The following CEACAM7 variants were observed in gnomAD, a reference collection of about 807,000 sequenced individuals.
The protein encoded by CEACAM7 is cell adhesion molecule CEACAM7.
Under a neutral mutation model 25.7 loss-of-function variants are expected in CEACAM7, and 24 were observed. The ratio of observed to expected loss-of-function variants is 0.93; its 90% CI spans 0.68 to 1.31. The LOEUF is 1.31. Ranked by LOEUF, CEACAM7 falls within the 40% of genes most tolerant of loss-of-function variation. The probability of loss-of-function intolerance (pLI) is 0.00; values close to 1 mark genes in which losing one functional copy is unlikely to be tolerated. For synonymous variants in CEACAM7, 144 were observed against 129.4 expected (o/e 1.11, Z -0.77); for missense variants, 324 against 330.1 (o/e 0.98, Z 0.14).
At position 41,687,218 on chromosome 19, in the gene CEACAM7, G is replaced by A. The variant is rs199608746; in HGVS notation, c.68C>T (p.Ser23Leu). 60 of 1,592,714 alleles carry A rather than the reference G, an allele frequency of 3.8e-5. No homozygotes were observed. In the East Asian group the frequency reaches 8.5e-4, roughly 23 times the overall value. ...IPWQGLLLTASLLTFWNLPNS... is the reference protein window; with the variant it reads ...IPWQGLLLTALLLTFWNLPNS... ...TGGCAGGTTCCAGAAGGTTAAAAGC[G>A]AGGCTAGGAGGGGGAGAGAACATCA... Residue 23 changes from serine to leucine, a missense_variant, in exon 2 of 5, where the codon TCG becomes TTG. Physicochemically the swap from Ser to Leu is moderately radical, Grantham distance 145 (BLOSUM62 -2). Coordinates refer to ENST00000401731, the MANE Select transcript of CEACAM7 (RefSeq NM_001291485.2).
chr19:41,681,323 C>T (rs1352170700), intron 3 of CEACAM7, among the ~76,000 whole-genome samples: 6 of 152,006 alleles, frequency 3.9e-5, no homozygotes, highest in African/African-American at 1.4e-4. Flanking sequence ...CGTGCATTGC[C>T]GGTGGGAGTG....
At chr19:41,678,892 C>A (rs936611368) in intron 3 of CEACAM7, among the ~76,000 whole-genome samples, 1 of 152,054 alleles carries the variant, frequency 6.6e-6, no homozygotes, top group African/African-American at 2.4e-5. Flanking sequence ...GAATCTTGTG[C>A]AAGAAATGTA....
chr19:41,686,063 C>CTGT (rs1288282333), intron 2 of CEACAM7, among the ~76,000 whole-genome samples: 1 of 152,180 alleles, frequency 6.6e-6, no homozygotes, highest in African/African-American at 2.4e-5. Flanking sequence ...GATGAGAGCC[C>CTGT]TGTGTAGAAG....
rs1555810905 is a variant in CEACAM7, at chr19:41,683,811, C to T, written c.680G>A (p.Ser227Asn). ...EIQNPVGASR[S>N]DPVTLNVRYE... Reference sequence around the variant, plus strand: ...GCGGACATTCAGGGTGACTGGGTCACTGCGGCTGGCACCCACTGGGTTCTG... The same window carrying T: ...GCGGACATTCAGGGTGACTGGGTCATTGCGGCTGGCACCCACTGGGTTCTG... The change falls in exon 3 of 5, where the codon AGT (serine) becomes AAT (asparagine). Residue 227 changes from serine (S) to asparagine (N), a missense_variant. Physicochemically the swap from Ser to Asn is conservative, Grantham distance 46. Coordinates refer to ENST00000401731, the MANE Select transcript of CEACAM7 (RefSeq NM_001291485.2). 3.7e-6 allele frequency: 6 copies of T among 1,614,204 alleles called. No homozygotes were observed. Among genetic ancestry groups the T allele is most frequent in the Non-Finnish European group, 5.1e-6 (6 of 1,180,028 alleles).
intron 4 of CEACAM7, 108 bp downstream of exon 4, chr19:41,677,268 G>T: frequency 1.7e-6 from 1 of 604,450 alleles, no homozygotes; most frequent in Non-Finnish European, 3.0e-6. Context: ...TTAGTGGGAG[G>T]AGGAGGAGAT....
chr19:41,686,806 G>A (rs1294891206), intron 2 of CEACAM7, 53 bp downstream of exon 2: 5 of 1,506,950 alleles, frequency 3.3e-6, no homozygotes, highest in Non-Finnish European at 4.4e-6. Context: ...AACCCCGTGT[G>A]TATGAAGTAG....
intron 3 of CEACAM7, among the ~76,000 whole-genome samples, chr19:41,681,392 AG>A (rs2072174525): frequency 2.0e-5 from 3 of 152,218 alleles, no homozygotes; most frequent in Admixed American, 2.0e-4. Context: ...AATTAAGCAA[AG>A]CATTACCATT....
chr19:41,675,602 GC>G (rs1187129210), intron 4 of CEACAM7, among the ~76,000 whole-genome samples: 1 of 152,170 alleles, frequency 6.6e-6, no homozygotes, highest in African/African-American at 2.4e-5. Context: ...CAGAGTCTTA[GC>G]CATAAATCTC....
At chr19:41,675,977 G>A (rs1555810070) in intron 4 of CEACAM7, among the ~76,000 whole-genome samples, 3 of 152,196 alleles carry the variant, frequency 2.0e-5, no homozygotes, top group African/African-American at 7.2e-5. Context: ...TCTCGCTTCT[G>A]TTTCTCAACT....
At chr19:41,682,973 C>T (rs2072190030) in intron 3 of CEACAM7, among the ~76,000 whole-genome samples, 1 of 152,170 alleles carries the variant, frequency 6.6e-6, no homozygotes, top group South Asian at 2.1e-4. Context: ...TACTGAAGTA[C>T]AGGGAGGAGG....
intron 3 of CEACAM7, among the ~76,000 whole-genome samples, chr19:41,683,192 T>C (rs1301086891): frequency 6.6e-6 from 1 of 152,152 alleles, no homozygotes; most frequent in African/African-American, 2.4e-5. Context: ...CAGTGGCCAA[T>C]TTGTGGGCAT....
intron 3 of CEACAM7, among the ~76,000 whole-genome samples, chr19:41,681,888 G>T (rs117902182): frequency 0.015 from 2,249 of 152,222 alleles, 41 homozygotes; most frequent in Admixed American, 0.058. Context: ...AGTTGAAAAA[G>T]TTCTGGAAAT....
rs376404757 is a variant in CEACAM7, at chr19:41,683,859, A to C, written c.632T>G (p.Ile211Arg). ...CTGTATTTCACATTCATAGGGTCCT[A>C]TGTCATTCTTTGTGGCGCTGAGTAG... ...LVLLSATKNDIGPYECEIQNP... is the reference protein window; with the variant it reads ...LVLLSATKNDRGPYECEIQNP... The change falls in exon 3 of 5, where the codon ATA becomes AGA. Residue 211 changes from isoleucine to arginine, a missense_variant. By Grantham distance (97) the Ile-to-Arg change is moderately conservative. Coordinates refer to ENST00000401731, the MANE Select transcript of CEACAM7 (RefSeq NM_001291485.2). 29 of 1,613,998 alleles carry C rather than the reference A, an allele frequency of 1.8e-5. No homozygotes were observed. The highest frequency in any genetic ancestry group is 4.0e-5 in the African/African-American group (3 of 74,900).
At chr19:41,687,569 C>G (rs2122735790) in intron 1 of CEACAM7, among the ~76,000 whole-genome samples, 1 of 152,292 alleles carries the variant, frequency 6.6e-6, no homozygotes, top group South Asian at 2.1e-4. Context: ...CCCTTTAGAG[C>G]TCTTGTCAAC....
chr19:41,678,015 G>A (rs1398269649), intron 3 of CEACAM7, among the ~76,000 whole-genome samples: 1 of 152,044 alleles, frequency 6.6e-6, no homozygotes, highest in African/African-American at 2.4e-5. Flanking sequence ...AACTCTCTTC[G>A]AACTGCACTG....
intron 3 of CEACAM7, among the ~76,000 whole-genome samples, chr19:41,678,909 TA>T (rs1432862527): frequency 1.4e-4 from 22 of 152,230 alleles, no homozygotes; most frequent in African/African-American, 5.1e-4. Context: ...TGTATAACTA[TA>T]AATACATACA....
intron 3 of CEACAM7, among the ~76,000 whole-genome samples, chr19:41,678,310 CATGTAT>C (rs55633841): frequency 0.38 from 55,175 of 144,476 alleles, 10,717 homozygotes; most frequent in East Asian, 0.51. Flanking sequence ...CTGTTTCTCC[CATGTAT>C]ATGTATATGT....
At position 41,673,567 on chromosome 19, in the gene CEACAM7, T is replaced by A. The variant is rs1358547472; in HGVS notation, c.*1209A>T. 1 of 152,260 alleles carries A rather than the reference T, an allele frequency of 6.6e-6. No individual in the cohort carries two copies. Among genetic ancestry groups the A allele is most frequent in the African/African-American group, 2.4e-5 (1 of 41,470 alleles). The allele number at this position is 152,260 out of a possible 1,614,324, so 9.4% of individuals were successfully genotyped here. On this transcript the variant is annotated 3_prime_UTR_variant, in exon 5 of 5. Transcript: ENST00000401731. ...GACTCAGACAGCCTGGACTCTCATG[T>A]TTTTAGGAAAATTTTGTCTGTTCTG...
chr19:41,687,636 T>C (rs1356931322), intron 1 of CEACAM7, among the ~76,000 whole-genome samples: 1 of 152,228 alleles, frequency 6.6e-6, no homozygotes, highest in Non-Finnish European at 1.5e-5. Context: ...CATGAGAGCG[T>C]GAGCTCTGTG....
Sources: allele counts gnomAD v4.1 joint callset (sites outside exome capture counted in the v4.1 genomes callset), GRCh38; gene constraint gnomAD v4.1.1; transcripts MANE v1.5; gene names NCBI Gene and HGNC (gene_info 2026-07-23, HGNC 2026-07-21).